MAPK10: variants seen among roughly 807,000 people sequenced by gnomAD.
MAPK10 encodes the protein mitogen-activated protein kinase 10, also known as JNK3 alpha protein kinase.
In MAPK10, 25 loss-of-function variants were observed where a neutral mutation model predicts 59.3. That is an observed-to-expected ratio of 0.42 (90% CI 0.31 to 0.59). The LOEUF (loss-of-function observed/expected upper bound fraction) is 0.59. Among genes scored for constraint, MAPK10 ranks in the 20% least tolerant of loss-of-function variants. The pLI, the probability that MAPK10 is intolerant of heterozygous loss-of-function variation, is 0.15. For synonymous variants in MAPK10, 190 were observed against 200.5 expected, an observed-to-expected ratio of 0.95 and a Z score of 0.44; for missense variants, 351 against 568.9, an observed-to-expected ratio of 0.62 and a Z score of 3.90.
chr4:86,541,477 G>A (rs1283259615), intron 1 of MAPK10, among the ~76,000 whole-genome samples: 3 of 152,142 alleles, frequency 2.0e-5, no homozygotes, highest in African/African-American at 4.8e-5. Context: ...CACCAGGAAG[G>A]GGAGAAGAAG....
chr4:86,324,993 A>C (rs1262416020), intron 2 of MAPK10, among the ~76,000 whole-genome samples: 1 of 152,204 alleles, frequency 6.6e-6, no homozygotes, highest in Non-Finnish European at 1.5e-5. Flanking sequence ...TTGACTTCTA[A>C]ATTGCCTACT....
chr4:86,542,136 T>G (rs549357708), intron 1 of MAPK10, among the ~76,000 whole-genome samples: 1 of 152,168 alleles, frequency 6.6e-6, no homozygotes, highest in African/African-American at 2.4e-5. Flanking sequence ...TATTGAGAGA[T>G]AGAAGTATTA....
chr4:86,522,889 G>T (rs1757220697), intron 1 of MAPK10, among the ~76,000 whole-genome samples: 1 of 152,126 alleles, frequency 6.6e-6, no homozygotes. Flanking sequence ...CTGTAAACAG[G>T]TGCTGACATT....
At chr4:86,403,193 G>T (rs1040009904) in intron 1 of MAPK10, among the ~76,000 whole-genome samples, 1 of 152,110 alleles carries the variant, frequency 6.6e-6, no homozygotes, top group Non-Finnish European at 1.5e-5. Flanking sequence ...AAGACTTAGA[G>T]CCTGTATTAG....
intron 2 of MAPK10, among the ~76,000 whole-genome samples, chr4:86,288,612 G>A (rs28664010): frequency 0.014 from 2,127 of 152,108 alleles, 51 homozygotes; most frequent in African/African-American, 0.049. Flanking sequence ...AGGGAGGGAT[G>A]AGTCCAAGTA....
chr4:86,180,095 A>G (rs1473966248), intron 3 of MAPK10, among the ~76,000 whole-genome samples: 1 of 152,126 alleles, frequency 6.6e-6, no homozygotes, highest in African/African-American at 2.4e-5. Context: ...TCCAAAGGGA[A>G]TTAATATCCT....
rs572069120 is a variant in MAPK10, at chr4:86,578,584, C to A, written c.-263+15326G>T. Among the ~76,000 whole-genome samples the A allele has an allele frequency of 9.2e-5, 14 of 152,264 alleles. No homozygotes were observed. In the South Asian group the frequency reaches 2.5e-3, roughly 27 times the overall value. On this transcript the variant is annotated intron_variant, in intron 1 of 4. Coordinates refer to the MAPK10 transcript ENST00000502302. The stretch of plus-strand genomic sequence containing the variant: ...CTGTTCTCTTAAAAGACCTGAAGCA[C>A]TATTTGAATTGTAATATGCTTATTT...
intron 11 of MAPK10, 83 bp from the exon 12 acceptor site, chr4:86,031,514 C>T: frequency 1.1e-6 from 1 of 943,716 alleles, no homozygotes; most frequent in Non-Finnish European, 1.7e-6. Context: ...ATACCTTGCC[C>T]TCATTTATTT....
chr4:86,450,731 C>G (rs1211010021), intron 1 of MAPK10, among the ~76,000 whole-genome samples: 1 of 152,134 alleles, frequency 6.6e-6, no homozygotes, highest in Non-Finnish European at 1.5e-5. Flanking sequence ...TACAACCCAG[C>G]ATATGGGTTC....
chr4:86,326,568 CTGAG>C (rs1353506150), intron 2 of MAPK10: 4 of 152,122 alleles, frequency 2.6e-5, no homozygotes, highest in African/African-American at 9.7e-5. Flanking sequence ...TTACAGACTG[CTGAG>C]TAATAGTCCA....
chr4:86,471,393 T>G (rs1752653543), intron 1 of MAPK10, among the ~76,000 whole-genome samples: 1 of 152,004 alleles, frequency 6.6e-6, no homozygotes, highest in South Asian at 2.1e-4. Context: ...AGTGTTAAAC[T>G]GATGTATTCT....
At chr4:86,558,846 AC>A (rs1385160801) in intron 1 of MAPK10, among the ~76,000 whole-genome samples, 2 of 151,400 alleles carry the variant, frequency 1.3e-5, no homozygotes, top group Non-Finnish European at 3.0e-5. Flanking sequence ...AAAAAAAAAA[AC>A]TTTCCAGAAA....
chr4:86,097,387 G>A (rs1256499649), intron 9 of MAPK10, among the ~76,000 whole-genome samples: 3 of 151,770 alleles, frequency 2.0e-5, no homozygotes, highest in Non-Finnish European at 4.4e-5. Context: ...GTTGAGTCAG[G>A]TTTTTTTGTT....
intron 1 of MAPK10, among the ~76,000 whole-genome samples, chr4:86,359,252 G>GT (rs150608851): frequency 0.024 from 1,331 of 54,606 alleles, 15 homozygotes; most frequent in African/African-American, 0.045. Context: ...GCTGTTTGGT[G>GT]TTTTTTTTTT....
intron 2 of MAPK10, among the ~76,000 whole-genome samples, chr4:86,287,561 T>C (rs1379292456): frequency 1.3e-5 from 2 of 152,234 alleles, no homozygotes; most frequent in African/African-American, 4.8e-5. Flanking sequence ...TCAGGCGTTC[T>C]AAAAATCTCA....
At chr4:86,393,167 G>GA (rs1304225393) in intron 1 of MAPK10, among the ~76,000 whole-genome samples, 1 of 152,034 alleles carries the variant, frequency 6.6e-6, no homozygotes, top group Non-Finnish European at 1.5e-5. Flanking sequence ...GTCCTCAAGA[G>GA]AAAAAATAAA....
intron 2 of MAPK10, among the ~76,000 whole-genome samples, chr4:86,217,817 T>C (rs904695098): frequency 6.6e-6 from 1 of 152,020 alleles, no homozygotes; most frequent in Non-Finnish European, 1.5e-5. Context: ...TGCTTATATA[T>C]ATAATTTTGA....
At chr4:86,248,721 G>T (rs959468751) in intron 2 of MAPK10, among the ~76,000 whole-genome samples, 2 of 152,138 alleles carry the variant, frequency 1.3e-5, no homozygotes, top group African/African-American at 4.8e-5. Flanking sequence ...ACACAATGCA[G>T]GGTTAACCAG....
At chr4:86,183,969 CCA>C (rs1159101497) in intron 3 of MAPK10, among the ~76,000 whole-genome samples, 1 of 152,034 alleles carries the variant, frequency 6.6e-6, no homozygotes, top group Non-Finnish European at 1.5e-5. Flanking sequence ...TGTCCTTTGC[CCA>C]CTTTTTGATG....
Sources: allele counts gnomAD v4.1 joint callset (sites outside exome capture counted in the v4.1 genomes callset), GRCh38; gene constraint gnomAD v4.1.1; transcripts MANE v1.5; gene names NCBI Gene and HGNC (gene_info 2026-07-23, HGNC 2026-07-21).